AHI1: variants seen among roughly 807,000 people sequenced by gnomAD.
AHI1 encodes jouberin.
A neutral mutation model predicts 149.3 loss-of-function variants in AHI1; 123 were observed. The ratio of observed to expected loss-of-function variants is 0.82; its 90% CI spans 0.71 to 0.96. The LOEUF (loss-of-function observed/expected upper bound fraction) is 0.96. Among genes scored for constraint, AHI1 ranks in the 40% least tolerant of loss-of-function variants. The probability of loss-of-function intolerance (pLI) is 0.00; values close to 1 mark genes in which losing one functional copy is unlikely to be tolerated. For synonymous variants in AHI1, 475 were observed against 459.8 expected (o/e 1.03, Z -0.42); for missense variants, 1,439 against 1,422.7 (o/e 1.01, Z -0.18).
chr6:135,375,840 T>G (rs967830633), intron 23 of AHI1, among the ~76,000 whole-genome samples: 1 of 152,160 alleles, frequency 6.6e-6, no homozygotes, highest in African/African-American at 2.4e-5. Context: ...ACTAATAGTA[T>G]CAGAGTTCTT....
intron 24 of AHI1, among the ~76,000 whole-genome samples, chr6:135,351,919 A>G (rs1432934460): frequency 6.6e-6 from 1 of 152,192 alleles, no homozygotes; most frequent in Non-Finnish European, 1.5e-5. Context: ...TGCAATTATA[A>G]TACATGACTT....
intron 26 of AHI1, among the ~76,000 whole-genome samples, chr6:135,305,427 C>T (rs1340829886): frequency 6.6e-6 from 1 of 152,164 alleles, no homozygotes; most frequent in Non-Finnish European, 1.5e-5. Context: ...TCTCTTGAGC[C>T]TCATAGATGT....
At chr6:135,375,918 C>T (rs1775840893) in intron 23 of AHI1, among the ~76,000 whole-genome samples, 1 of 151,972 alleles carries the variant, frequency 6.6e-6, no homozygotes, top group South Asian at 2.1e-4. Flanking sequence ...ATTATAAGCA[C>T]AGAAGTGCTC....
chr6:135,361,006 TTC>T (rs1412783323), intron 23 of AHI1, among the ~76,000 whole-genome samples: 7 of 152,222 alleles, frequency 4.6e-5, no homozygotes, highest in African/African-American at 1.7e-4. Flanking sequence ...CTTATTGCAT[TTC>T]TTTTTGTTCT....
At position 135,463,191 on chromosome 6, in the gene AHI1, T is replaced by C. The variant is rs1790196744; in HGVS notation, c.865A>G (p.Thr289Ala). Residue 289 changes from threonine (T) to alanine (A), a missense_variant, in exon 8 of 29, where the codon ACA becomes GCA. Thr to Ala is a moderately conservative substitution (Grantham distance 58). Coordinates refer to ENST00000265602, the MANE Select transcript of AHI1 (RefSeq NM_001134831.2). ...GTATCATCTTGCATGCTGTCTTCTG[T>C]GCTTTGTTCCATTGAGCTTATTTCA... ...DDEISSMEQS[T>A]EDSMQDDTKP... The C allele has an allele frequency of 1.2e-6, 2 of 1,607,032 alleles. No homozygotes were observed. The highest frequency in any genetic ancestry group is 1.7e-6 in the Non-Finnish European group (2 of 1,178,460).
intron 14 of AHI1, among the ~76,000 whole-genome samples, chr6:135,440,464 G>T (rs183331313): frequency 5.3e-4 from 80 of 152,272 alleles, no homozygotes; most frequent in African/African-American, 1.9e-3. Context: ...ATATTCCTGG[G>T]TATCTAGAAG....
intron 23 of AHI1, among the ~76,000 whole-genome samples, chr6:135,378,251 A>G (rs1776231053): frequency 6.6e-6 from 1 of 152,180 alleles, no homozygotes; most frequent in Admixed American, 6.5e-5. Context: ...AATCTGTATT[A>G]TTTATTCCCA....
At chr6:135,366,284 G>A (rs977602023) in intron 23 of AHI1, among the ~76,000 whole-genome samples, 6 of 151,868 alleles carry the variant, frequency 4.0e-5, no homozygotes, top group South Asian at 2.1e-4. Flanking sequence ...TTGGTATTAC[G>A]GTGATACGGG....
intron 4 of AHI1, 37 bp from the exon 5 acceptor site, chr6:135,490,784 T>G (rs746897008): frequency 1.9e-6 from 3 of 1,607,380 alleles, no homozygotes; most frequent in Non-Finnish European, 2.5e-6. Context: ...TGTAAATGAC[T>G]CTATCATAAC....
chr6:135,398,060 T>G lies in AHI1; in HGVS notation c.2989-3164A>C, dbSNP rs1480382473. Among the ~76,000 whole-genome samples, 12 of 14,024 alleles carry G rather than the reference T, an allele frequency of 8.6e-4. No homozygotes were observed. The Non-Finnish European group carries it at 0.011, about 12-fold the overall frequency. 9.2% of individuals were successfully genotyped at this position (14,024 alleles called of 152,430 possible). On this transcript the variant is annotated intron_variant, in intron 22 of 28. Transcript: ENST00000265602. ...AAGAAACCAATAATACCCAGGATGT[T>G]TTTTTTTTTTTTTTTTTTTTGCAAA...
At chr6:135,497,274 T>C (rs527293117) in intron 1 of AHI1, 25 bp from the exon 2 acceptor site, 1 of 152,238 alleles carries the variant, frequency 6.6e-6, no homozygotes, top group South Asian at 2.1e-4. Flanking sequence ...ACACACTCAG[T>C]ACACATCTGA....
intron 15 of AHI1, among the ~76,000 whole-genome samples, chr6:135,438,100 C>T (rs937462189): frequency 3.3e-5 from 5 of 151,940 alleles, no homozygotes; most frequent in Admixed American, 2.6e-4. Flanking sequence ...AACCCCTAAC[C>T]CCATCTCAAA....
intron 24 of AHI1, among the ~76,000 whole-genome samples, chr6:135,329,631 A>C (rs954946532): frequency 1.5e-4 from 23 of 152,262 alleles, no homozygotes; most frequent in Non-Finnish European, 1.3e-4. Context: ...CTACAACAAC[A>C]ACCATTCTGC....
At chr6:135,457,080 G>A (rs935832529) in intron 9 of AHI1, among the ~76,000 whole-genome samples, 1 of 151,914 alleles carries the variant, frequency 6.6e-6, no homozygotes, top group Non-Finnish European at 1.5e-5. Context: ...ATCGCCTGAG[G>A]TCAGGAGTTC....
chr6:135,292,625 G>A (rs571981130), intron 27 of AHI1, among the ~76,000 whole-genome samples: 2 of 152,278 alleles, frequency 1.3e-5, no homozygotes, highest in South Asian at 2.1e-4. Context: ...CTTGAGGCCC[G>A]GAACAGTGTT....
At chr6:135,383,483 T>A (rs1379390414) in intron 23 of AHI1, among the ~76,000 whole-genome samples, 1 of 151,952 alleles carries the variant, frequency 6.6e-6, no homozygotes, top group African/African-American at 2.4e-5. Flanking sequence ...GTGAATCACC[T>A]GACGGGATTA....
chr6:135,339,264 A>C (rs181123489), intron 24 of AHI1, among the ~76,000 whole-genome samples: 5 of 152,306 alleles, frequency 3.3e-5, no homozygotes, highest in Admixed American at 3.3e-4. Context: ...AATCTCAAAT[A>C]TCCTCTTATC....
At chr6:135,468,167 T>G (rs1791094075) in intron 5 of AHI1, among the ~76,000 whole-genome samples, 1 of 152,134 alleles carries the variant, frequency 6.6e-6, no homozygotes, top group Admixed American at 6.6e-5. Flanking sequence ...ATTTCCAAAT[T>G]CTATCTGTTC....
rs771894461 is a variant in AHI1, at chr6:135,447,018, A to T, written c.1769T>A (p.Leu590His). The change falls in exon 13 of 29, where the codon CTC becomes CAC. Residue 590 changes from leucine to histidine, a missense_variant. Transcript: ENST00000265602. ...TATCAAACACTTCACCTGCCCAGGG[A>T]GTCGTTTCCACTTTATTACTTCCTT... The part of the protein sequence containing the change: ...ESKEVIKWKR[L>H]PGQACRIPNK... 6.2e-7 allele frequency: 1 copy of T among 1,610,850 alleles called. No homozygotes were observed. The highest frequency in any genetic ancestry group is 8.5e-7 in the Non-Finnish European group (1 of 1,178,622).
Sources: allele counts gnomAD v4.1 joint callset (sites outside exome capture counted in the v4.1 genomes callset), GRCh38; gene constraint gnomAD v4.1.1; transcripts MANE v1.5; gene names NCBI Gene and HGNC (gene_info 2026-07-23, HGNC 2026-07-21).